Variants in WDR33 observed in about 807,000 individuals in gnomAD.
WDR33 encodes the protein WD repeat domain 33, also known as pre-mRNA 3' end processing protein WDR33.
WDR33 carries 47 observed loss-of-function variants against 164.9 expected under a neutral mutation model. The observed-to-expected ratio is 0.29, with a 90% confidence interval of 0.23 to 0.36. The LOEUF (loss-of-function observed/expected upper bound fraction) is 0.36, where lower values mean the gene tolerates loss of function less well. Ranked by LOEUF, WDR33 falls within the 10% of genes least tolerant of loss-of-function variation. WDR33 has a pLI of 1.00. For missense variants in WDR33, 1,137 were observed against 1,754.1 expected, an observed-to-expected ratio of 0.65 and a Z score of 6.28; for synonymous variants, 505 against 589.0, an observed-to-expected ratio of 0.86 and a Z score of 2.06.
chr2:127,798,788 C>CA (rs1689134503), intron 1 of WDR33: 1 of 151,912 alleles, frequency 6.6e-6, no homozygotes, highest in African/African-American at 2.4e-5. Context: ...AAAAATTCAC[C>CA]AATGAAACCT....
At chr2:127,801,472 C>T (rs564206862) in intron 1 of WDR33, among the ~76,000 whole-genome samples, 1 of 149,404 alleles carries the variant, frequency 6.7e-6, no homozygotes, top group Non-Finnish European at 1.5e-5. Flanking sequence ...CTGAGCAACA[C>T]AGTGAGACTC....
chr2:127,736,350 T>C, intron 7 of WDR33: 1 of 985,440 alleles, frequency 1.0e-6, no homozygotes, highest in South Asian at 4.7e-5. Flanking sequence ...TGTGTATTTC[T>C]TTACTGAAAA....
chr2:127,796,777 C>G (rs1320476712), intron 1 of WDR33, among the ~76,000 whole-genome samples: 1 of 151,988 alleles, frequency 6.6e-6, no homozygotes, highest in African/African-American at 2.4e-5. Flanking sequence ...GTATTTCGGT[C>G]TCCTAAATGA....
rs1165205027 is a variant in WDR33, at chr2:127,735,455, A to C, written c.725-8678T>G. The stretch of plus-strand genomic sequence containing the variant: ...GTTCCCATTTTATTTTTCCTGGATC[A>C]GACCATTTTATGAACAAATCTTAAA... On this transcript the variant is annotated intron_variant, in intron 7 of 21. Coordinates refer to ENST00000322313, the MANE Select transcript of WDR33 (RefSeq NM_018383.5). This position sits in a 1 kb window ranked among gnomAD's most constrained non-coding sequence, Gnocchi z 4.3. The C allele has an allele frequency of 1.4e-5, 14 of 985,142 alleles. No individual in the cohort carries two copies. Among genetic ancestry groups the C allele is most frequent in the Non-Finnish European group, 1.7e-5 (14 of 829,374 alleles). The allele number at this position is 985,142 out of a possible 1,614,324, so 61.0% of individuals were successfully genotyped here.
At chr2:127,736,094 C>A (rs1686832944) in intron 7 of WDR33, 1 of 985,330 alleles carries the variant, frequency 1.0e-6, no homozygotes, top group African/African-American at 1.7e-5. Flanking sequence ...CTTTCCCAGT[C>A]TGAGAGCCTT....
At chr2:127,804,574 G>GGAATAAA (rs1224503064) in intron 1 of WDR33, among the ~76,000 whole-genome samples, 2 of 152,064 alleles carry the variant, frequency 1.3e-5, no homozygotes, top group Admixed American at 1.3e-4. Flanking sequence ...CAGGAAGGGA[G>GGAATAAA]GAATAAAGCA....
In WDR33 at chr2:127,712,485, C is replaced by A. The variant is rs770042597; in HGVS notation, c.3308+1098G>T. Among the ~76,000 whole-genome samples, 1 of 152,126 alleles carries A rather than the reference C, an allele frequency of 6.6e-6. No homozygotes were observed. The highest frequency in any genetic ancestry group is 2.4e-5 in the African/African-American group (1 of 41,420). On this transcript the variant is annotated intron_variant, in intron 18 of 21. Coordinates refer to ENST00000322313, the MANE Select transcript of WDR33 (RefSeq NM_018383.5). This position sits in a 1 kb window ranked among gnomAD's most constrained non-coding sequence, Gnocchi z 4.0. ...CTATAGTAAAAGCTGAAGTGCTGAA[C>A]AGCATGGGCCTGAAGCCCAGCTCTG... is the stretch of plus-strand genomic sequence containing the variant.
chr2:127,807,301 T>A (rs890657044), intron 1 of WDR33, among the ~76,000 whole-genome samples: 1 of 152,188 alleles, frequency 6.6e-6, no homozygotes, highest in Non-Finnish European at 1.5e-5. Flanking sequence ...CCACTGCACC[T>A]GGCTTGAAAT....
chr2:127,735,915 T>C lies in WDR33; in HGVS notation c.725-9138A>G, dbSNP rs980707166. On this transcript the variant is annotated intron_variant, in intron 7 of 21. Coordinates refer to ENST00000322313, the MANE Select transcript of WDR33 (RefSeq NM_018383.5). The surrounding 1 kb of genome is among the most constrained non-coding windows in gnomAD (Gnocchi z 4.3). ...TGTCCAGTCTAGAAAGTTACATCAG[T>C]GAAAAACTATAGAATTAAATGGAAA... The C allele has an allele frequency of 1.8e-5, 18 of 985,278 alleles. No individual in the cohort carries two copies. The highest frequency in any genetic ancestry group is 2.2e-5 in the Non-Finnish European group (18 of 829,922). The allele number at this position is 985,278 out of a possible 1,614,324, so 61.0% of individuals were successfully genotyped here. A position where few individuals can be genotyped will look rare whatever the true frequency, so the allele number is the denominator to read the frequency against.
chr2:127,759,109 CAT>C (rs1229140428), intron 7 of WDR33, among the ~76,000 whole-genome samples: 1 of 152,002 alleles, frequency 6.6e-6, no homozygotes, highest in African/African-American at 2.4e-5. Context: ...AATCCCAGTC[CAT>C]AAGTTGCCAT....
chr2:127,725,744 T>C (rs1573890810), intron 8 of WDR33, among the ~76,000 whole-genome samples: 1 of 76,374 alleles, frequency 1.3e-5, no homozygotes. Context: ...AAAATAATAA[T>C]AATAATAATA....
intron 2 of WDR33, among the ~76,000 whole-genome samples, chr2:127,769,898 G>C (rs1367364976): frequency 6.6e-6 from 1 of 152,118 alleles, no homozygotes; most frequent in East Asian, 1.9e-4. Context: ...AGTAAATAAA[G>C]AACTCTAACG....
In WDR33 at chr2:127,710,843, T is replaced by C; in HGVS notation, c.3309-987A>G. 6.6e-6 allele frequency among the ~76,000 whole-genome samples: 1 copy of C among 152,044 alleles called. No homozygotes were observed. Among genetic ancestry groups the C allele is most frequent in the Non-Finnish European group, 1.5e-5 (1 of 68,004 alleles). ...TCTTCTACTTGGAAGATTTTCAAAC[T>C]TACAGTAAAGCTGAAAGAACAGTAC... is the stretch of plus-strand genomic sequence containing the variant. On this transcript the variant is annotated intron_variant, in intron 18 of 21. Coordinates refer to ENST00000322313, the MANE Select transcript of WDR33 (RefSeq NM_018383.5). This position sits in a 1 kb window ranked among gnomAD's most constrained non-coding sequence, Gnocchi z 4.4.
intron 1 of WDR33, among the ~76,000 whole-genome samples, chr2:127,792,627 T>A (rs1383267042): frequency 7.3e-6 from 1 of 136,056 alleles, no homozygotes; most frequent in African/African-American, 2.5e-5. Flanking sequence ...TGAGCCAAGA[T>A]TGTGCCACTG....
At chr2:127,801,115 AAAAG>A in intron 1 of WDR33, among the ~76,000 whole-genome samples, 1 of 151,400 alleles carries the variant, frequency 6.6e-6, no homozygotes, top group African/African-American at 2.4e-5. Flanking sequence ...AAAAAAAAAA[AAAAG>A]AAAAGAAAAA....
intron 1 of WDR33, among the ~76,000 whole-genome samples, chr2:127,796,114 C>T (rs146475080): frequency 0.021 from 3,214 of 149,986 alleles, 150 homozygotes; most frequent in African/African-American, 0.076. Context: ...CTCTGTCACC[C>T]AGACTGGAGT....
Position 127,726,867 on chromosome 2 carries a change from G to C in WDR33, c.725-90C>G. ...AGTAGAGAAACCTAGTAAATGTTTTGCTCTCAGTGCTCAGTCAACTTAAAA... is the reference window on the plus strand; with the variant it reads ...AGTAGAGAAACCTAGTAAATGTTTTCCTCTCAGTGCTCAGTCAACTTAAAA... On this transcript the variant is annotated intron_variant, in intron 7 of 21. Coordinates refer to ENST00000322313, the MANE Select transcript of WDR33 (RefSeq NM_018383.5). This position sits in a 1 kb window ranked among gnomAD's most constrained non-coding sequence, Gnocchi z 4.8. 6.6e-7 allele frequency: 1 copy of C among 1,513,514 alleles called. No individual in the cohort carries two copies. The highest frequency in any genetic ancestry group is 1.2e-5 in the South Asian group (1 of 80,638). The allele number at this position is 1,513,514 out of a possible 1,614,324, so 93.8% of individuals were successfully genotyped here.
At chr2:127,774,988 G>A (rs140956770) in intron 1 of WDR33, among the ~76,000 whole-genome samples, 47 of 152,294 alleles carry the variant, frequency 3.1e-4, no homozygotes, top group Non-Finnish European at 5.4e-4. Context: ...GGAATGAGAG[G>A]AATGGAGAAT....
Position 127,702,434 on chromosome 2 carries a change from G to T in WDR33, c.*3889C>A, listed in dbSNP as rs1685916843. On this transcript the variant is annotated 3_prime_UTR_variant, in exon 22 of 22. Transcript: ENST00000322313. ...GATTTTGTCATTGAACTGGTGACAG[G>T]ATGTGAGACGGTTATTAGAAGTTGC... 3.7e-6 allele frequency: 1 copy of T among 273,500 alleles called. No individual in the cohort carries two copies. The highest frequency in any genetic ancestry group is 7.6e-5 in the East Asian group (1 of 13,240). The allele number at this position is 273,500 out of a possible 1,614,324, so 16.9% of individuals were successfully genotyped here.
Sources: allele counts gnomAD v4.1 joint callset (sites outside exome capture counted in the v4.1 genomes callset), GRCh38; gene constraint gnomAD v4.1.1; non-coding constraint Gnocchi (gnomAD v3.1); transcripts MANE v1.5; gene names NCBI Gene and HGNC (gene_info 2026-07-23, HGNC 2026-07-21).